SSR1: variants seen among roughly 807,000 people sequenced by gnomAD.
SSR1 encodes the protein signal sequence receptor subunit 1.
A neutral mutation model predicts 36.1 loss-of-function variants in SSR1; 13 were observed. The observed-to-expected ratio is 0.36, with a 90% CI of 0.23 to 0.57. The LOEUF is 0.57. Ranked by LOEUF, SSR1 falls within the 20% of genes least tolerant of loss-of-function variation. SSR1 has a pLI of 0.81. For synonymous variants in SSR1, 113 were observed against 118.9 expected, an observed-to-expected ratio of 0.95 and a Z score of 0.32; for missense variants, 291 against 338.5, an observed-to-expected ratio of 0.86 and a Z score of 1.10.
intron 7 of SSR1, among the ~76,000 whole-genome samples, chr6:7,290,903 A>AT (rs903628076): frequency 1.3e-5 from 2 of 151,670 alleles, no homozygotes; most frequent in East Asian, 2.0e-4. Flanking sequence ...AAGAATATTT[A>AT]TTTTTTTTGA....
chr6:7,282,826 T>C lies in SSR1; in HGVS notation c.*7038A>G, dbSNP rs1455231816. On this transcript the variant is annotated 3_prime_UTR_variant, in exon 8 of 8. Coordinates refer to ENST00000244763, the MANE Select transcript of SSR1 (RefSeq NM_003144.5). ...AAATGAGAAAAATACATAATCATTA[T>C]GTTTTAGCCAGAAAAAGGCAACTTG... The C allele has an allele frequency of 6.6e-6, 1 of 152,232 alleles. No homozygotes were observed. The highest frequency in any genetic ancestry group is 1.5e-5 in the Non-Finnish European group (1 of 68,046). 9.4% of individuals were successfully genotyped at this position (152,232 alleles called of 1,614,324 possible). A position where few individuals can be genotyped will look rare whatever the true frequency, so the allele number is the denominator to read the frequency against.
At chr6:7,309,434 C>G (rs1194101523) in intron 2 of SSR1, among the ~76,000 whole-genome samples, 1 of 152,210 alleles carries the variant, frequency 6.6e-6, no homozygotes, top group Non-Finnish European at 1.5e-5. Flanking sequence ...TGCACTCCAG[C>G]CTGGGGAACA....
rs762433448 is a variant in SSR1, at chr6:7,313,168, G to A, written c.-48C>T. On this transcript the variant is annotated 5_prime_UTR_variant, in exon 1 of 8. Transcript: ENST00000244763. ...GTTTCCGTCGGCTAAGGCTCTCGGCGGCTCCGGCGGTAATGGCGTTACTCT... is the reference window on the plus strand; with the variant it reads ...GTTTCCGTCGGCTAAGGCTCTCGGCAGCTCCGGCGGTAATGGCGTTACTCT... 4 of 1,534,580 alleles carry A rather than the reference G, an allele frequency of 2.6e-6. No individual in the cohort carries two copies. The highest frequency in any genetic ancestry group is 2.8e-5 in the African/African-American group (2 of 71,714).
In SSR1 at chr6:7,313,000, C is replaced by T. The variant is rs1303962313; in HGVS notation, c.79+42G>A. On this transcript the variant is annotated intron_variant, in intron 1 of 7. Transcript: ENST00000244763. ...ACTTCAAACTTGCCATCACTGGCAT[C>T]TCCTTCCTGGCCATCCCCTCCGCAC... is the stretch of plus-strand genomic sequence containing the variant. 1.9e-6 allele frequency: 3 copies of T among 1,559,032 alleles called. No individual in the cohort carries two copies. The Admixed American group carries it at 5.7e-5, about 30-fold the overall frequency.
chr6:7,301,260 GC>G, intron 4 of SSR1, 49 bp downstream of exon 4: 3 of 1,585,416 alleles, frequency 1.9e-6, no homozygotes, highest in Non-Finnish European at 2.6e-6. Flanking sequence ...CAACGTCACC[GC>G]CCCCATCCAT....
chr6:7,301,241 T>G, intron 4 of SSR1, 69 bp downstream of exon 4: 3 of 1,540,244 alleles, frequency 1.9e-6, no homozygotes, highest in Non-Finnish European at 2.6e-6. Flanking sequence ...ACAGATATAT[T>G]CTATTAAACA....
chr6:7,307,596 CA>C (rs1758099448), intron 2 of SSR1, among the ~76,000 whole-genome samples: 1 of 152,212 alleles, frequency 6.6e-6, no homozygotes, highest in African/African-American at 2.4e-5. Flanking sequence ...GGCTGGAGTG[CA>C]GTGACACACT....
chr6:7,300,990 C>T (rs1461163231), intron 4 of SSR1, among the ~76,000 whole-genome samples: 8 of 152,180 alleles, frequency 5.3e-5, no homozygotes, highest in Non-Finnish European at 8.8e-5. Context: ...GTGTGTCTTA[C>T]TGCTCCTTTT....
chr6:7,289,807 G>C lies in SSR1; in HGVS notation c.*57C>G, dbSNP rs1757642200. On this transcript the variant is annotated 3_prime_UTR_variant, in exon 8 of 8. Transcript: ENST00000244763. Reference sequence around the variant, plus strand: ...GGCTTCTCTGCACTAATTCCCATCAGGCCGAAAAATATTAGGGCAGGTTAA... The same window carrying C: ...GGCTTCTCTGCACTAATTCCCATCACGCCGAAAAATATTAGGGCAGGTTAA... 6 of 1,507,552 alleles carry C rather than the reference G, an allele frequency of 4.0e-6. No individual in the cohort carries two copies. The African/African-American group carries it at 7.2e-5, about 18-fold the overall frequency. 93.4% of individuals were successfully genotyped at this position (1,507,552 alleles called of 1,614,324 possible). A position where few individuals can be genotyped will look rare whatever the true frequency, so the allele number is the denominator to read the frequency against.
chr6:7,301,410 G>C lies in SSR1; in HGVS notation c.443C>G (p.Pro148Arg). 1 of 1,614,144 alleles carries C rather than the reference G, an allele frequency of 6.2e-7. No homozygotes were observed. The highest frequency in any genetic ancestry group is 8.5e-7 in the Non-Finnish European group (1 of 1,180,032). The change falls in exon 4 of 8, where the codon CCC (proline) becomes CGC (arginine). Residue 148 changes from proline (P) to arginine (R), a missense_variant. Coordinates refer to ENST00000244763, the MANE Select transcript of SSR1 (RefSeq NM_003144.5). ...TALPLNTVVP[P>R]QRQATFEYSF... ...GTACTCAAAAGTTGCCTGTCTCTGG[G>C]GTGGCACTACAGTGTTCAGAGGAAG...
At chr6:7,297,381 A>G (rs1374021643) in intron 6 of SSR1, among the ~76,000 whole-genome samples, 1 of 152,166 alleles carries the variant, frequency 6.6e-6, no homozygotes, top group Non-Finnish European at 1.5e-5. Flanking sequence ...CCAAAGGTAA[A>G]TATCACTCTG....
At chr6:7,290,482 TG>T (rs1313196847) in intron 7 of SSR1, among the ~76,000 whole-genome samples, 15 of 152,242 alleles carry the variant, frequency 9.9e-5, no homozygotes, top group African/African-American at 3.6e-4. Context: ...TACTTCCATT[TG>T]GTAAGAGGTG....
chr6:7,303,683 A>G, intron 2 of SSR1, 46 bp from the exon 3 acceptor site: 1 of 1,431,984 alleles, frequency 7.0e-7, no homozygotes, highest in Non-Finnish European at 9.7e-7. Flanking sequence ...GGAGAAAAAA[A>G]AATCATTATT....
At chr6:7,300,452 C>T (rs1015251874) in intron 4 of SSR1, among the ~76,000 whole-genome samples, 1 of 152,088 alleles carries the variant, frequency 6.6e-6, no homozygotes, top group African/African-American at 2.4e-5. Flanking sequence ...ACATTTGGTT[C>T]TCCTAAATCA....
chr6:7,297,107 C>T (rs1420300771), intron 6 of SSR1: 1 of 337,194 alleles, frequency 3.0e-6, no homozygotes, highest in African/African-American at 2.3e-5. Flanking sequence ...TGTAGTTCGA[C>T]TACTCAGGAA....
At chr6:7,312,244 G>A (rs754177966) in intron 1 of SSR1, among the ~76,000 whole-genome samples, 2 of 152,166 alleles carry the variant, frequency 1.3e-5, no homozygotes, top group East Asian at 1.9e-4. Context: ...TTAATTGCTG[G>A]GTTAATTGTT....
intron 4 of SSR1, among the ~76,000 whole-genome samples, chr6:7,299,849 C>T (rs75040384): frequency 0.018 from 2,805 of 152,246 alleles, 28 homozygotes; most frequent in Middle Eastern, 0.061. Context: ...GGGCAATACA[C>T]AGCTATTCTT....
chr6:7,290,840 T>C (rs9505119), intron 7 of SSR1, among the ~76,000 whole-genome samples: 56,205 of 151,928 alleles, frequency 0.37, 10,475 homozygotes, highest in South Asian at 0.43. Flanking sequence ...AAAAGATCTC[T>C]CACCCCCCAA....
chr6:7,301,164 C>CAATTTATCT lies in SSR1; in HGVS notation c.543+145_543+146insAGATAAATT, dbSNP rs1561832734. On this transcript the variant is annotated intron_variant, in intron 4 of 7. Coordinates refer to ENST00000244763, the MANE Select transcript of SSR1 (RefSeq NM_003144.5). ...CACTGGATTAGACTTGAAGAAGAAA[C>CAATTTATCT]GTGCAATTTATCTTTGCTTCCCTGG... 103 of 971,536 alleles carry CAATTTATCT rather than the reference C, an allele frequency of 1.1e-4. 1 individual carries two copies. The highest frequency in any genetic ancestry group is 8.6e-5 in the Admixed American group (3 of 34,870). 60.2% of individuals were successfully genotyped at this position (971,536 alleles called of 1,614,324 possible). A position where few individuals can be genotyped will look rare whatever the true frequency, so the allele number is the denominator to read the frequency against.
Sources: gnomAD v4.1 joint callset for allele counts (sites outside exome capture counted in the v4.1 genomes callset) on GRCh38, gnomAD v4.1.1 for gene constraint, MANE v1.5 for transcripts, NCBI Gene and HGNC (gene_info 2026-07-23, HGNC 2026-07-21) for gene names.